The following SLC51B variants were observed in gnomAD, a reference collection of about 807,000 sequenced individuals.
SLC51B encodes SLC51 subunit beta.
In SLC51B, 6 loss-of-function variants were observed where a neutral mutation model predicts 8.0. That is an observed-to-expected ratio of 0.75 (90% confidence interval 0.41 to 1.48). SLC51B has a LOEUF of 1.48. Among genes scored for constraint, SLC51B ranks in the 40% most tolerant of loss-of-function variants. SLC51B has a pLI of 0.01. For synonymous variants in SLC51B, 61 were observed against 54.8 expected, an observed-to-expected ratio of 1.11 and a Z score of -0.50; for missense variants, 150 against 149.7, an observed-to-expected ratio of 1.00 and a Z score of -0.01.
rs2919352 is a variant in SLC51B, at chr15:65,053,219, A to G, written c.*55A>G. 6,324 of 1,591,826 alleles carry G rather than the reference A, an allele frequency of 4.0e-3. 230 individuals are homozygous for G. The African/African-American group carries it at 0.075, about 19-fold the overall frequency. On this transcript the variant is annotated 3_prime_UTR_variant, in exon 4 of 4. Coordinates refer to ENST00000334287, the MANE Select transcript of SLC51B (RefSeq NM_178859.4). ...CAGACACATGATGTGGGCTCAGCTC[A>G]GTGGCCTGAAACCTCTCAGGTTTTA...
At position 65,050,051 on chromosome 15, in the gene SLC51B, T is replaced by C; in HGVS notation, c.47T>C (p.Val16Ala). Residue 16 changes from valine to alanine, a missense_variant, in exon 2 of 4, where the codon GTA (valine) becomes GCA (alanine). Physicochemically the swap from Val to Ala is moderately conservative, Grantham distance 64 (BLOSUM62 0). Transcript: ENST00000334287. The part of the protein sequence containing the change: ...GAPGDPAGTV[V>A]PQELLEEMLW... The stretch of plus-strand genomic sequence containing the variant: ...CCCGGAGACCCAGCCGGTACTGTGG[T>C]ACCCCAGGAGCTGCTGGAAGAGATG... 3.2e-6 allele frequency: 5 copies of C among 1,551,838 alleles called. No homozygotes were observed. The highest frequency in any genetic ancestry group is 2.6e-6 in the Non-Finnish European group (3 of 1,147,026).
intron 2 of SLC51B, 60 bp from the exon 3 acceptor site, chr15:65,051,455 A>C: frequency 6.6e-7 from 1 of 1,519,666 alleles, no homozygotes; most frequent in Non-Finnish European, 9.1e-7. Context: ...CCCAGCTGTT[A>C]GCGGGCTTGA....
At chr15:65,045,651 AC>A (rs1296528270) in intron 1 of SLC51B, 69 bp downstream of exon 1, 1 of 152,256 alleles carries the variant, frequency 6.6e-6, no homozygotes, top group East Asian at 1.9e-4. Context: ...GTCCAATGGC[AC>A]GATGGTTAAG....
Position 65,049,882 on chromosome 15 carries a change from C to T in SLC51B, c.-108-15C>T. 3.3e-6 allele frequency: 2 copies of T among 601,660 alleles called. No homozygotes were observed. Among genetic ancestry groups the T allele is most frequent in the Non-Finnish European group, 5.6e-6 (2 of 357,802 alleles). 37.3% of individuals were successfully genotyped at this position (601,660 alleles called of 1,614,324 possible). On this transcript the variant is annotated splice_polypyrimidine_tract_variant and intron_variant, in intron 1 of 3. Transcript: ENST00000334287. The stretch of plus-strand genomic sequence containing the variant: ...CGGGTGGGATATCCAGTCATGCTGT[C>T]TGCTTTGTTTCCAGGGGTCTTCACG...
chr15:65,048,437 A>G (rs1255188196), intron 1 of SLC51B, among the ~76,000 whole-genome samples: 3 of 152,294 alleles, frequency 2.0e-5, no homozygotes, highest in Admixed American at 2.0e-4. Flanking sequence ...GCTGTTTGCC[A>G]TCTAGCTGTT....
Position 65,053,080 on chromosome 15 carries a change from A to G in SLC51B, c.303A>G (p.Pro101=). Residue 101 remains proline, a synonymous_variant, in exon 4 of 4, where the codon CCA becomes CCG. Coordinates refer to ENST00000334287, the MANE Select transcript of SLC51B (RefSeq NM_178859.4). ...GAGAAACTTTGCTCTCAGAAAAGCC[A>G]AACTTGGCCCAGGTGGAACTTGAGT... The part of the protein sequence containing the change: ...NLRETLLSEK[P]NLAQVELELK... 1 of 1,614,194 alleles carries G rather than the reference A, an allele frequency of 6.2e-7. No homozygotes were observed. The highest frequency in any genetic ancestry group is 2.2e-5 in the East Asian group (1 of 44,872).
In SLC51B at chr15:65,052,399, C is replaced by CTT. The variant is rs34021026; in HGVS notation, c.189-545_189-544dup. Reference sequence around the variant, plus strand: ...ACACACTAGCTATGTGCATCCTTGGCTTTTTTTTTTTTTTTTTTTTTTTGA... The same window carrying CTT: ...ACACACTAGCTATGTGCATCCTTGGCTTTTTTTTTTTTTTTTTTTTTTTTTGA... On this transcript the variant is annotated intron_variant, in intron 3 of 3. Transcript: ENST00000334287. 2.4e-3 allele frequency among the ~76,000 whole-genome samples: 187 copies of CTT among 76,332 alleles called. 1 individual carries two copies. Among genetic ancestry groups the CTT allele is most frequent in the African/African-American group, 5.7e-3 (113 of 19,922 alleles). The allele number at this position is 76,332 out of a possible 152,430, so 50.1% of individuals were successfully genotyped here.
chr15:65,047,261 G>A (rs1339537562), intron 1 of SLC51B, among the ~76,000 whole-genome samples: 3 of 151,196 alleles, frequency 2.0e-5, no homozygotes, highest in African/African-American at 7.3e-5. Flanking sequence ...TCTTGAACCT[G>A]GGAGGCGGTG....
chr15:65,053,038 C>G lies in SLC51B; in HGVS notation c.261C>G (p.Asn87Lys), dbSNP rs781214644. 6.2e-7 allele frequency: 1 copy of G among 1,614,022 alleles called. No homozygotes were observed. The highest frequency in any genetic ancestry group is 8.5e-7 in the Non-Finnish European group (1 of 1,180,024). Residue 87 changes from asparagine (N) to lysine (K), a missense_variant, in exon 4 of 4, where the codon AAC becomes AAG. Physicochemically the swap from Asn to Lys is moderately conservative, Grantham distance 94 (BLOSUM62 0). Transcript: ENST00000334287. Reference sequence around the variant, plus strand: ...ATTTGGATGAGGCCAAGGATCACAACAGCCTAAACAACCTAAGAGAAACTT... The same window carrying G: ...ATTTGGATGAGGCCAAGGATCACAAGAGCCTAAACAACCTAAGAGAAACTT... ...VLHLDEAKDH[N>K]SLNNLRETLL...
rs539321781 is a variant in SLC51B, at chr15:65,046,789, T to C, written c.-109+1207T>C. On this transcript the variant is annotated intron_variant, in intron 1 of 3. Transcript: ENST00000334287. Reference sequence around the variant, plus strand: ...TTAGCCGGGCGTGGTGGCACATGCCTGTTGTACCAGCTGCTCAGGAGGCTG... The same window carrying C: ...TTAGCCGGGCGTGGTGGCACATGCCCGTTGTACCAGCTGCTCAGGAGGCTG... 5.9e-5 allele frequency among the ~76,000 whole-genome samples: 9 copies of C among 152,138 alleles called. No individual in the cohort carries two copies. In the South Asian group the frequency reaches 1.9e-3, roughly 32 times the overall value.
At chr15:65,046,911 T>C (rs2086583900) in intron 1 of SLC51B, among the ~76,000 whole-genome samples, 1 of 150,280 alleles carries the variant, frequency 6.7e-6, no homozygotes, top group Non-Finnish European at 1.5e-5. Flanking sequence ...AGACTCTGTC[T>C]CAAAAAACAA....
chr15:65,050,770 T>C (rs953125718), intron 2 of SLC51B, among the ~76,000 whole-genome samples: 44 of 152,032 alleles, frequency 2.9e-4, no homozygotes, highest in African/African-American at 1.0e-3. Context: ...CTGTGGGCAG[T>C]TGCCATTCCT....
intron 1 of SLC51B, among the ~76,000 whole-genome samples, chr15:65,048,530 G>T (rs957833706): frequency 1.3e-5 from 2 of 152,178 alleles, no homozygotes; most frequent in Non-Finnish European, 2.9e-5. Flanking sequence ...AGTGTGAGGG[G>T]ACCTGAGAAT....
Position 65,051,506 on chromosome 15 carries a change from C to T in SLC51B, c.98-9C>T. 1 of 1,613,184 alleles carries T rather than the reference C, an allele frequency of 6.2e-7. No individual in the cohort carries two copies. The highest frequency in any genetic ancestry group is 8.5e-7 in the Non-Finnish European group (1 of 1,179,406). On this transcript the variant is annotated splice_polypyrimidine_tract_variant and intron_variant, in intron 2 of 3. Transcript: ENST00000334287. ...TCCTCAGGGCTCTGTCCTGTGTGTC[C>T]TTCCCCAGCATCTCCCTGGAATCAT...
chr15:65,053,309 C>A lies in SLC51B; in HGVS notation c.*145C>A, dbSNP rs2086681237. The A allele has an allele frequency of 4.2e-6, 6 of 1,422,624 alleles. No individual in the cohort carries two copies. Among genetic ancestry groups the A allele is most frequent in the South Asian group, 3.1e-5 (2 of 64,114 alleles). 88.1% of individuals were successfully genotyped at this position (1,422,624 alleles called of 1,614,324 possible). A position where few individuals can be genotyped will look rare whatever the true frequency, so the allele number is the denominator to read the frequency against. On this transcript the variant is annotated 3_prime_UTR_variant, in exon 4 of 4. Transcript: ENST00000334287. ...TTCTTTTTTTTTTTCTTAGCAGATA[C>A]AATGAATGAACTGCAAGCAAACTAA...
chr15:65,051,667 G>C (rs2086655021), intron 3 of SLC51B, 62 bp downstream of exon 3: 1 of 1,518,194 alleles, frequency 6.6e-7, no homozygotes, highest in Non-Finnish European at 9.1e-7. Flanking sequence ...TGCCTTCCCA[G>C]AGGGAAATCT....
intron 1 of SLC51B, 97 bp from the exon 2 acceptor site, chr15:65,049,800 G>A: frequency 1.2e-5 from 4 of 340,682 alleles, no homozygotes; most frequent in Non-Finnish European, 2.2e-5. Context: ...GGTCGTTTTT[G>A]TCCCATAACT....
At chr15:65,049,033 ATAACT>A (rs2086612565) in intron 1 of SLC51B, among the ~76,000 whole-genome samples, 1 of 151,936 alleles carries the variant, frequency 6.6e-6, no homozygotes, top group Non-Finnish European at 1.5e-5. Flanking sequence ...AAAAAGCGAA[ATAACT>A]TAACAATTTT....
chr15:65,047,336 C>CA (rs893014231), intron 1 of SLC51B, among the ~76,000 whole-genome samples: 1,243 of 122,744 alleles, frequency 0.01, 7 homozygotes, highest in Middle Eastern at 0.02. Flanking sequence ...AACTCCATCT[C>CA]AAAAAAAAAA....
Sources: gnomAD v4.1 joint callset for allele counts (sites outside exome capture counted in the v4.1 genomes callset) on GRCh38, gnomAD v4.1.1 for gene constraint, MANE v1.5 for transcripts, NCBI Gene and HGNC (gene_info 2026-07-23, HGNC 2026-07-21) for gene names.